POU2F1: variants seen among roughly 807,000 people sequenced by gnomAD.
POU2F1 encodes POU domain, class 2, transcription factor 1.
Under a neutral mutation model 84.9 loss-of-function variants are expected in POU2F1, and 16 were observed. That is an observed-to-expected ratio of 0.19 (90% CI 0.13 to 0.29). The LOEUF (loss-of-function observed/expected upper bound fraction) is 0.29, where lower values mean the gene tolerates loss of function less well. Among genes scored for constraint, POU2F1 ranks in the 10% least tolerant of loss-of-function variants. POU2F1 has a pLI of 1.00. For missense variants in POU2F1, 738 were observed against 942.6 expected, an observed-to-expected ratio of 0.78 and a Z score of 2.84; for synonymous variants, 368 against 368.3, an observed-to-expected ratio of 1.00 and a Z score of 0.01.
At chr1:167,232,707 G>C (rs189573683) in intron 1 of POU2F1, among the ~76,000 whole-genome samples, 5 of 152,226 alleles carry the variant, frequency 3.3e-5, no homozygotes, top group Non-Finnish European at 7.3e-5. Flanking sequence ...GCTGGGTGTG[G>C]TGGCACACGC....
chr1:167,363,548 C>T (rs1306619334), intron 2 of POU2F1, among the ~76,000 whole-genome samples: 1 of 152,074 alleles, frequency 6.6e-6, no homozygotes, highest in African/African-American at 2.4e-5. Context: ...ATGGAAGTGA[C>T]TACTTACTTG....
intron 1 of POU2F1, among the ~76,000 whole-genome samples, chr1:167,312,297 C>T (rs1167994224): frequency 6.6e-6 from 1 of 151,262 alleles, no homozygotes; most frequent in African/African-American, 2.4e-5. Flanking sequence ...TACAGTGGCA[C>T]GATCTCAGCT....
chr1:167,404,081 AGGTTTCAAAGAAGG>A (rs1450520884), intron 13 of POU2F1, among the ~76,000 whole-genome samples: 1 of 152,126 alleles, frequency 6.6e-6, no homozygotes, highest in East Asian at 1.9e-4. Context: ...TTTCACTACA[AGGTTTCAAAGAAGG>A]GGCCTTTTAA....
intron 13 of POU2F1, among the ~76,000 whole-genome samples, chr1:167,406,167 G>A (rs376763703): frequency 2.0e-5 from 3 of 152,152 alleles, no homozygotes; most frequent in South Asian, 2.1e-4. Flanking sequence ...AAAATCGAAC[G>A]ATTATATACA....
Position 167,343,674 on chromosome 1 carries a change from T to G in POU2F1, c.127+11139T>G, listed in dbSNP as rs1312239334. Among the ~76,000 whole-genome samples the G allele has an allele frequency of 1.0e-4, 2 of 19,498 alleles. 1 individual carries two copies. Among genetic ancestry groups the G allele is most frequent in the African/African-American group, 5.2e-4 (2 of 3,872 alleles). The allele number at this position is 19,498 out of a possible 152,430, so 12.8% of individuals were successfully genotyped here. On this transcript the variant is annotated intron_variant, in intron 2 of 15. Coordinates refer to ENST00000367866, the MANE Select transcript of POU2F1 (RefSeq NM_002697.4). ...TTTTTTTTTTTTTTTTTTTTTTTTT[T>G]TTTTTTTTTTTTGAAGGAAGGAAAG...
At chr1:167,251,425 A>G (rs1650719264) in intron 1 of POU2F1, among the ~76,000 whole-genome samples, 1 of 152,148 alleles carries the variant, frequency 6.6e-6, no homozygotes, top group Non-Finnish European at 1.5e-5. Context: ...AAATAAATAA[A>G]TAAAATTAAG....
intron 1 of POU2F1, among the ~76,000 whole-genome samples, chr1:167,314,481 T>TAA (rs750479634): frequency 2.0e-5 from 3 of 152,064 alleles, no homozygotes; most frequent in Non-Finnish European, 4.4e-5. Flanking sequence ...GACAATTTCT[T>TAA]AAAAAATGAA....
chr1:167,238,427 C>A (rs1335681588), intron 1 of POU2F1, among the ~76,000 whole-genome samples: 1 of 152,092 alleles, frequency 6.6e-6, no homozygotes, highest in Non-Finnish European at 1.5e-5. Flanking sequence ...ACAACAATTC[C>A]TGGTACTAAG....
Position 167,243,520 on chromosome 1 carries a change from G to A in POU2F1, c.61+22562G>A, listed in dbSNP as rs183755640. On this transcript the variant is annotated intron_variant, in intron 1 of 15. Coordinates refer to ENST00000367866, the MANE Select transcript of POU2F1 (RefSeq NM_002697.4). ...GACGGAGTCTCGCTCTTGTCGCCCA[G>A]TCTGGAGTGCAGTGGCGTGATCTTG... is the stretch of plus-strand genomic sequence containing the variant. 8.5e-5 allele frequency among the ~76,000 whole-genome samples: 13 copies of A among 152,244 alleles called. No homozygotes were observed. The East Asian group carries it at 2.5e-3, about 29-fold the overall frequency.
At chr1:167,228,530 C>G (rs551685096) in intron 1 of POU2F1, among the ~76,000 whole-genome samples, 1 of 152,244 alleles carries the variant, frequency 6.6e-6, no homozygotes, top group East Asian at 1.9e-4. Context: ...TCTTACCTGG[C>G]CTTTACAGTA....
At chr1:167,371,209 A>G (rs1475707235) in intron 4 of POU2F1, among the ~76,000 whole-genome samples, 1 of 152,198 alleles carries the variant, frequency 6.6e-6, no homozygotes, top group Non-Finnish European at 1.5e-5. Context: ...AACAGGCTGT[A>G]TCTCCAGTGC....
chr1:167,319,841 C>A (rs1041118433), intron 1 of POU2F1, among the ~76,000 whole-genome samples: 1 of 152,116 alleles, frequency 6.6e-6, no homozygotes, highest in African/African-American at 2.4e-5. Flanking sequence ...AGGATTAACT[C>A]CTCCTGTAAA....
chr1:167,276,791 T>G (rs1378846973), intron 1 of POU2F1, among the ~76,000 whole-genome samples: 3 of 151,338 alleles, frequency 2.0e-5, no homozygotes, highest in Non-Finnish European at 4.4e-5. Flanking sequence ...CAAATAAGGG[T>G]GGGAAAGGCA....
At chr1:167,334,371 G>A (rs770052624) in intron 2 of POU2F1, among the ~76,000 whole-genome samples, 6 of 151,644 alleles carry the variant, frequency 4.0e-5, no homozygotes, top group South Asian at 2.1e-4. Flanking sequence ...CATGTTGGCC[G>A]GCTGGTCTTG....
intron 2 of POU2F1, among the ~76,000 whole-genome samples, chr1:167,339,380 C>G (rs1657686495): frequency 6.6e-6 from 1 of 152,126 alleles, no homozygotes; most frequent in South Asian, 2.1e-4. Flanking sequence ...TGCTTTCCCA[C>G]AAGATTTTCT....
In POU2F1 at chr1:167,374,018, C is replaced by T. The variant is rs140796646; in HGVS notation, c.403-90C>T. 1.6e-3 allele frequency: 1,997 copies of T among 1,246,854 alleles called. 23 individuals carry two copies. Among genetic ancestry groups the T allele is most frequent in the South Asian group, 0.011 (923 of 82,254 alleles). 77.2% of individuals were successfully genotyped at this position (1,246,854 alleles called of 1,614,324 possible). On this transcript the variant is annotated intron_variant, in intron 5 of 15. Coordinates refer to ENST00000367866, the MANE Select transcript of POU2F1 (RefSeq NM_002697.4). Reference sequence around the variant, plus strand: ...AAGTTGGGTAGCTGGGGACTGATATCATTTGAGTTACCTATTTTAAAGCAG... The same window carrying T: ...AAGTTGGGTAGCTGGGGACTGATATTATTTGAGTTACCTATTTTAAAGCAG...
chr1:167,354,656 C>T (rs1237714264), intron 2 of POU2F1, among the ~76,000 whole-genome samples: 1 of 152,146 alleles, frequency 6.6e-6, no homozygotes, highest in Non-Finnish European at 1.5e-5. Context: ...TTTTCCAGAG[C>T]ATTTGTACTG....
At chr1:167,343,156 G>A (rs1345563639) in intron 2 of POU2F1, among the ~76,000 whole-genome samples, 7 of 152,126 alleles carry the variant, frequency 4.6e-5, no homozygotes, top group Admixed American at 2.6e-4. Context: ...TTAGGTCAGG[G>A]GTGGGGGTCA....
chr1:167,380,214 A>G (rs747449554), intron 7 of POU2F1: 1 of 152,214 alleles, frequency 6.6e-6, no homozygotes, highest in Non-Finnish European at 1.5e-5. Context: ...AGTTAACTTT[A>G]TGGGCCCCTG....
Sources: allele counts gnomAD v4.1 joint callset (sites outside exome capture counted in the v4.1 genomes callset), GRCh38; gene constraint gnomAD v4.1.1; transcripts MANE v1.5; gene names NCBI Gene and HGNC (gene_info 2026-07-23, HGNC 2026-07-21).